The following LRRC7 variants were observed in gnomAD, a reference collection of about 807,000 sequenced individuals.
The protein encoded by LRRC7 is leucine-rich repeat-containing protein 7.
In LRRC7, 23 loss-of-function variants were observed where a neutral mutation model predicts 175.7. That is an observed-to-expected ratio of 0.13 (90% CI 0.09 to 0.19). The LOEUF (loss-of-function observed/expected upper bound fraction) is 0.19, where lower values mean the gene tolerates loss of function less well. Among genes scored for constraint, LRRC7 ranks in the 10% least tolerant of loss-of-function variants. The probability of loss-of-function intolerance (pLI) is 1.00; values close to 1 mark genes in which losing one functional copy is unlikely to be tolerated. For synonymous variants in LRRC7, 685 were observed against 680.9 expected (o/e 1.01, Z -0.09); for missense variants, 1,354 against 1,904.7 (o/e 0.71, Z 5.38).
intron 2 of LRRC7, among the ~76,000 whole-genome samples, chr1:69,752,318 A>G (rs1321812497): frequency 1.3e-5 from 2 of 152,176 alleles, no homozygotes; most frequent in Non-Finnish European, 1.5e-5. Flanking sequence ...GAAAAATGCA[A>G]GACTGTGCCA....
chr1:69,590,583 A>G (rs1293606074), intron 1 of LRRC7, among the ~76,000 whole-genome samples: 1 of 152,174 alleles, frequency 6.6e-6, no homozygotes. Context: ...AATCACTACC[A>G]TGACGAGTGA....
At chr1:69,906,894 A>G (rs1646334471) in intron 7 of LRRC7, among the ~76,000 whole-genome samples, 1 of 152,172 alleles carries the variant, frequency 6.6e-6, no homozygotes, top group Non-Finnish European at 1.5e-5. Context: ...ACCTATGAGC[A>G]TGGAATGTTC....
intron 3 of LRRC7, among the ~76,000 whole-genome samples, chr1:69,773,772 C>T (rs1672502509): frequency 6.6e-6 from 1 of 152,198 alleles, no homozygotes; most frequent in African/African-American, 2.4e-5. Context: ...GTCCTCAAAA[C>T]AACCCTGCCC....
intron 1 of LRRC7, among the ~76,000 whole-genome samples, chr1:69,600,283 G>A (rs1647001387): frequency 6.6e-6 from 1 of 151,946 alleles, no homozygotes; most frequent in African/African-American, 2.4e-5. Context: ...TTTTTACCTA[G>A]CATCCTTTTT....
chr1:69,700,599 G>A (rs1477304332), intron 2 of LRRC7, among the ~76,000 whole-genome samples: 2 of 152,128 alleles, frequency 1.3e-5, no homozygotes, highest in African/African-American at 4.8e-5. Context: ...TTATAGAATA[G>A]CAATGCTAGC....
At chr1:69,675,021 G>A (rs926609038) in intron 1 of LRRC7, among the ~76,000 whole-genome samples, 4 of 152,134 alleles carry the variant, frequency 2.6e-5, no homozygotes, top group Non-Finnish European at 4.4e-5. Context: ...TGTTGTGTAT[G>A]TAAGCACATT....
chr1:69,969,920 T>C (rs1231341055), intron 8 of LRRC7, among the ~76,000 whole-genome samples: 10 of 152,152 alleles, frequency 6.6e-5, no homozygotes, highest in Non-Finnish European at 1.2e-4. Flanking sequence ...ATTGAAATTA[T>C]ATCAAGCAGT....
rs183894539 is a variant in LRRC7 at position 69,632,732 on chromosome 1, G to A, written c.3-45649G>A. ...ACTAAGTGCCATCCAAGCAAGTACC[G>A]AATTTATCTTGTTCATTATTGGAGT... On this transcript the variant is annotated intron_variant, in intron 1 of 26. Transcript: ENST00000651989. 1.8e-4 allele frequency among the ~76,000 whole-genome samples: 27 copies of A among 152,090 alleles called. 1 individual carries two copies. The highest frequency in any genetic ancestry group is 3.4e-3 in the Middle Eastern group (1 of 292).
At position 69,678,405 on chromosome 1, in the gene LRRC7, G is replaced by T; in HGVS notation, c.27G>T (p.Arg9Ser). 6.2e-7 allele frequency: 1 copy of T among 1,601,110 alleles called. No individual in the cohort carries two copies. Among genetic ancestry groups the T allele is most frequent in the Non-Finnish European group, 8.5e-7 (1 of 1,173,734 alleles). Reference sequence around the variant, plus strand: ...GGATGGAGAACCTAATAAGGGGAAGGAATCCCCCGCAATACCAGAGAAGTC... The same window carrying T: ...GGATGGAGAACCTAATAAGGGGAAGTAATCCCCCGCAATACCAGAGAAGTC... MMENLIRG[R>S]NPPQYQRSPC... Residue 9 changes from arginine (R) to serine (S), a missense_variant, in exon 2 of 27, where the codon AGG (arginine) becomes AGT (serine). Coordinates refer to ENST00000651989, the MANE Select transcript of LRRC7 (RefSeq NM_001370785.2).
chr1:69,578,194 C>A (rs1646036478), intron 1 of LRRC7, among the ~76,000 whole-genome samples: 1 of 151,528 alleles, frequency 6.6e-6, no homozygotes, highest in South Asian at 2.1e-4. Flanking sequence ...TGAAAAAATG[C>A]TCACCATCAC....
At chr1:70,062,044 A>T (rs1201066294) in intron 23 of LRRC7, among the ~76,000 whole-genome samples, 1 of 152,124 alleles carries the variant, frequency 6.6e-6, no homozygotes, top group Non-Finnish European at 1.5e-5. Flanking sequence ...ATTAGTGGTC[A>T]TTTACTGACA....
At chr1:69,973,118 ATT>A (rs1652436299) in intron 8 of LRRC7, among the ~76,000 whole-genome samples, 2 of 150,230 alleles carry the variant, frequency 1.3e-5, no homozygotes, top group Non-Finnish European at 3.0e-5. Flanking sequence ...AAAGGAATGA[ATT>A]AATGGCATTC....
intron 1 of LRRC7, among the ~76,000 whole-genome samples, chr1:69,591,292 T>C (rs189097627): frequency 6.6e-6 from 1 of 152,200 alleles, no homozygotes; most frequent in East Asian, 1.9e-4. Context: ...TGGAAGAGCT[T>C]CCACAGAATA....
chr1:69,889,605 G>A (rs541280254), intron 7 of LRRC7, among the ~76,000 whole-genome samples: 6 of 152,234 alleles, frequency 3.9e-5, no homozygotes, highest in Admixed American at 6.5e-5. Context: ...CCAGAAGTTC[G>A]CTATCAACCT....
At chr1:69,979,854 G>A (rs1411728828) in intron 8 of LRRC7, among the ~76,000 whole-genome samples, 1 of 151,184 alleles carries the variant, frequency 6.6e-6, no homozygotes, top group Non-Finnish European at 1.5e-5. Flanking sequence ...TGAAAGTAAT[G>A]GCAAAACCGC....
intron 1 of LRRC7, among the ~76,000 whole-genome samples, chr1:69,572,121 G>A (rs140701711): frequency 1.6e-4 from 24 of 152,158 alleles, no homozygotes; most frequent in African/African-American, 5.5e-4. Context: ...ATGACAAGCC[G>A]AGTTACCATT....
chr1:69,941,179 A>G (rs890145487), intron 8 of LRRC7, among the ~76,000 whole-genome samples: 2 of 152,060 alleles, frequency 1.3e-5, no homozygotes, highest in Non-Finnish European at 2.9e-5. Flanking sequence ...CAAATGAGAA[A>G]AGTATTGGGA....
chr1:70,023,057 A>T, intron 16 of LRRC7, 69 bp from the exon 17 acceptor site: 1 of 1,373,590 alleles, frequency 7.3e-7, no homozygotes, highest in Non-Finnish European at 9.5e-7. Context: ...GAGTAGAAAA[A>T]TGATAAAGTG....
intron 1 of LRRC7, among the ~76,000 whole-genome samples, chr1:69,608,546 A>T (rs1648035359): frequency 6.6e-6 from 1 of 151,972 alleles, no homozygotes; most frequent in South Asian, 2.1e-4. Context: ...GTCCCATAAC[A>T]CCTTAAAATC....
Sources: gnomAD v4.1 joint callset for allele counts (sites outside exome capture counted in the v4.1 genomes callset) on GRCh38, gnomAD v4.1.1 for gene constraint, MANE v1.5 for transcripts, NCBI Gene and HGNC (gene_info 2026-07-23, HGNC 2026-07-21) for gene names.